The following CTNNA2 variants were observed in gnomAD, a reference collection of about 807,000 sequenced individuals.
The protein encoded by CTNNA2 is catenin alpha 2, also known as catenin alpha-2.
A neutral mutation model predicts 101.0 loss-of-function variants in CTNNA2; 42 were observed. That is an observed-to-expected ratio of 0.42 (90% CI 0.32 to 0.54). The LOEUF (loss-of-function observed/expected upper bound fraction) is 0.54. CTNNA2 is among the 20% of genes least tolerant of loss of function. CTNNA2 has a pLI of 0.14. For missense variants in CTNNA2, 871 were observed against 1,223.1 expected, an observed-to-expected ratio of 0.71 and a Z score of 4.29; for synonymous variants, 450 against 456.4, an observed-to-expected ratio of 0.99 and a Z score of 0.18.
intron 2 of CTNNA2, among the ~76,000 whole-genome samples, chr2:79,239,231 T>C (rs987537892): frequency 6.6e-6 from 1 of 152,020 alleles, no homozygotes; most frequent in Non-Finnish European, 1.5e-5. Flanking sequence ...GAGGCTAAAA[T>C]AGACAAAACA....
rs1161384853 is a variant in CTNNA2, at chr2:80,462,627, C to CTTTTTTTTTTT, written c.1290+43029_1290+43030insTTTTTTTTTTT. Among the ~76,000 whole-genome samples, 35 of 114,352 alleles carry CTTTTTTTTTTT rather than the reference C, an allele frequency of 3.1e-4. 1 individual carries two copies. Among genetic ancestry groups the CTTTTTTTTTTT allele is most frequent in the African/African-American group, 1.3e-3 (34 of 26,894 alleles). 75.0% of individuals were successfully genotyped at this position (114,352 alleles called of 152,430 possible). The stretch of plus-strand genomic sequence containing the variant: ...TCTCCCTTCCTTTCCTTCTTTCTTT[C>CTTTTTTTTTTT]TTTCTTTTTTTTTTTTTTTTTTTTT... On this transcript the variant is annotated intron_variant, in intron 9 of 18. Transcript: ENST00000402739.
At position 80,499,183 on chromosome 2, in the gene CTNNA2, G is replaced by A. The variant is rs934641560; in HGVS notation, c.1291-45799G>A. On this transcript the variant is annotated intron_variant, in intron 9 of 18. Transcript: ENST00000402739. Reference sequence around the variant, plus strand: ...GCCCCTATAAAAATGGAAGTAAGCCGAGAAAGGAGTTACCTGGTATTTCTC... The same window carrying A: ...GCCCCTATAAAAATGGAAGTAAGCCAAGAAAGGAGTTACCTGGTATTTCTC... 1.1e-4 allele frequency among the ~76,000 whole-genome samples: 16 copies of A among 152,120 alleles called. 1 individual carries two copies. Among genetic ancestry groups the A allele is most frequent in the African/African-American group, 3.6e-4 (15 of 41,428 alleles).
intron 7 of CTNNA2, among the ~76,000 whole-genome samples, chr2:80,072,171 A>G (rs1698391381): frequency 6.6e-6 from 1 of 152,178 alleles, no homozygotes; most frequent in Non-Finnish European, 1.5e-5. Flanking sequence ...ATCTAGCTCC[A>G]TCTGCCCCTC....
At chr2:80,253,806 A>G (rs1671941639) in intron 7 of CTNNA2, among the ~76,000 whole-genome samples, 1 of 152,188 alleles carries the variant, frequency 6.6e-6, no homozygotes, top group Non-Finnish European at 1.5e-5. Context: ...CAGATCTGCC[A>G]CAAACAACAA....
chr2:80,366,366 A>G (rs1415650772), intron 7 of CTNNA2, among the ~76,000 whole-genome samples: 1 of 152,162 alleles, frequency 6.6e-6, no homozygotes, highest in Non-Finnish European at 1.5e-5. Context: ...CAGTGCCTTG[A>G]TACTTGCATT....
chr2:80,432,327 A>G (rs1265940343), intron 9 of CTNNA2, among the ~76,000 whole-genome samples: 1 of 152,200 alleles, frequency 6.6e-6, no homozygotes, highest in East Asian at 1.9e-4. Context: ...AAAATACAAC[A>G]TGAGCATCTT....
Position 79,631,253 on chromosome 2 carries a change from C to A in CTNNA2, c.-5-20299C>A, listed in dbSNP as rs148821066. ...TCTGTCTGTTGAATCAAATAGTTGTCTACTTGGGTGTGTAGTCCTGTATGT... is the reference window on the plus strand; with the variant it reads ...TCTGTCTGTTGAATCAAATAGTTGTATACTTGGGTGTGTAGTCCTGTATGT... On this transcript the variant is annotated intron_variant, in intron 1 of 18. Coordinates refer to ENST00000402739, the MANE Select transcript of CTNNA2 (RefSeq NM_001282597.3). Among the ~76,000 whole-genome samples the A allele has an allele frequency of 3.3e-3, 501 of 152,282 alleles. 3 individuals are homozygous for A. Among genetic ancestry groups the A allele is most frequent in the African/African-American group, 0.012 (487 of 41,558 alleles).
chr2:79,502,330 G>A (rs931896232), intron 4 of CTNNA2, among the ~76,000 whole-genome samples: 4 of 152,182 alleles, frequency 2.6e-5, no homozygotes, highest in African/African-American at 9.7e-5. Context: ...CACAACATCA[G>A]ACTTTAATGT....
intron 7 of CTNNA2, among the ~76,000 whole-genome samples, chr2:79,970,091 G>A (rs1690371977): frequency 6.6e-6 from 1 of 152,216 alleles, no homozygotes; most frequent in African/African-American, 2.4e-5. Flanking sequence ...GTAGGGGTAA[G>A]CATTTATGCC....
At chr2:79,823,661 A>G (rs1678199600) in intron 3 of CTNNA2, among the ~76,000 whole-genome samples, 1 of 152,222 alleles carries the variant, frequency 6.6e-6, no homozygotes, top group Admixed American at 6.5e-5. Context: ...TATTCTGTAT[A>G]CTTAAATATA....
At chr2:79,408,412 T>C (rs1051504757) in intron 4 of CTNNA2, among the ~76,000 whole-genome samples, 3 of 151,162 alleles carry the variant, frequency 2.0e-5, no homozygotes, top group African/African-American at 4.9e-5. Flanking sequence ...CATTAACTCG[T>C]CATTTAGCAT....
At chr2:79,706,115 A>G (rs987829420) in intron 2 of CTNNA2, among the ~76,000 whole-genome samples, 1 of 152,146 alleles carries the variant, frequency 6.6e-6, no homozygotes, top group Non-Finnish European at 1.5e-5. Context: ...CTGTAATCCC[A>G]GCACTCTGGG....
In CTNNA2 at chr2:79,869,806, A is replaced by T; in HGVS notation, c.466-10A>T. 1 of 1,606,466 alleles carries T rather than the reference A, an allele frequency of 6.2e-7. No homozygotes were observed. Among genetic ancestry groups the T allele is most frequent in the South Asian group, 1.1e-5 (1 of 89,324 alleles). On this transcript the variant is annotated splice_polypyrimidine_tract_variant and intron_variant, in intron 4 of 18. Coordinates refer to ENST00000402739, the MANE Select transcript of CTNNA2 (RefSeq NM_001282597.3). ...TCCACTAATAAATATGTTGTTTTTC[A>T]CCACTGCAGGTGGAAGAGGCCCTGG...
chr2:80,000,682 G>C (rs1443039027), intron 7 of CTNNA2, among the ~76,000 whole-genome samples: 1 of 152,156 alleles, frequency 6.6e-6, no homozygotes, highest in Non-Finnish European at 1.5e-5. Flanking sequence ...TGTCCATGGA[G>C]AAGTAGTGTA....
At chr2:79,244,735 T>C (rs1007233316) in intron 2 of CTNNA2, among the ~76,000 whole-genome samples, 2 of 152,230 alleles carry the variant, frequency 1.3e-5, no homozygotes, top group South Asian at 2.1e-4. Flanking sequence ...GTTGTTCTTT[T>C]TTAATACATA....
intron 7 of CTNNA2, among the ~76,000 whole-genome samples, chr2:80,278,426 G>A (rs1331175874): frequency 3.3e-5 from 5 of 152,148 alleles, no homozygotes; most frequent in African/African-American, 9.7e-5. Flanking sequence ...GGTGGTTGAA[G>A]TTCTCACCCA....
At chr2:79,755,655 G>A (rs1573885607) in intron 3 of CTNNA2, among the ~76,000 whole-genome samples, 2 of 152,092 alleles carry the variant, frequency 1.3e-5, no homozygotes, top group East Asian at 3.9e-4. Flanking sequence ...GTATGTCTGG[G>A]GTGACCCTGT....
At chr2:79,471,189 G>T (rs895110205) in intron 4 of CTNNA2, among the ~76,000 whole-genome samples, 4 of 152,152 alleles carry the variant, frequency 2.6e-5, no homozygotes, top group African/African-American at 7.2e-5. Context: ...TCTAAATCAG[G>T]TTCAAGTGTG....
chr2:80,262,520 C>T (rs1178415521), intron 7 of CTNNA2, among the ~76,000 whole-genome samples: 1 of 152,158 alleles, frequency 6.6e-6, no homozygotes, highest in African/African-American at 2.4e-5. Context: ...GCTGCTTCTC[C>T]TTTCACTCCT....
Sources: allele counts gnomAD v4.1 joint callset (sites outside exome capture counted in the v4.1 genomes callset), GRCh38; gene constraint gnomAD v4.1.1; transcripts MANE v1.5; gene names NCBI Gene and HGNC (gene_info 2026-07-23, HGNC 2026-07-21).